The following GPRC5A variants were observed in gnomAD, a reference collection of about 807,000 sequenced individuals.
GPRC5A encodes G protein-coupled receptor class C group 5 member A.
A neutral mutation model predicts 22.5 loss-of-function variants in GPRC5A; 19 were observed. That is an observed-to-expected ratio of 0.85 (90% CI 0.59 to 1.24). GPRC5A has a LOEUF of 1.24. Ranked by LOEUF, GPRC5A falls within the 50% of genes most tolerant of loss-of-function variation. GPRC5A has a pLI of 0.00. For missense variants in GPRC5A, 471 were observed against 451.1 expected, an observed-to-expected ratio of 1.04 and a Z score of -0.40; for synonymous variants, 192 against 184.5, an observed-to-expected ratio of 1.04 and a Z score of -0.33.
chr12:12,900,041 G>A (rs541820842), intron 1 of GPRC5A, among the ~76,000 whole-genome samples: 8 of 152,278 alleles, frequency 5.3e-5, no homozygotes, highest in Non-Finnish European at 1.0e-4. Flanking sequence ...AACCCAAAGC[G>A]GGAGACTCAT....
Position 12,908,632 on chromosome 12 carries a change from C to T in GPRC5A, c.383C>T (p.Pro128Leu), listed in dbSNP as rs750805858. ...SLTKLVRGRK[P>L]LSLLVILGLA... is the part of the protein sequence containing the mutation. ...ACCAAGCTCGTCCGGGGGAGGAAGC[C>T]CCTTTCCCTGTTGGTGATTCTGGGT... The change falls in exon 2 of 4, where the codon CCC becomes CTC. Residue 128 changes from proline to leucine, a missense_variant. Pro to Leu is a moderately conservative substitution (Grantham distance 98). Transcript: ENST00000014914. 3.1e-6 allele frequency: 5 copies of T among 1,613,744 alleles called. No homozygotes were observed. The highest frequency in any genetic ancestry group is 3.3e-5 in the Admixed American group (2 of 59,968).
chr12:12,907,414 A>AAAAAAAAAAG (rs1174781334), intron 1 of GPRC5A, among the ~76,000 whole-genome samples: 24 of 150,766 alleles, frequency 1.6e-4, no homozygotes, highest in African/African-American at 5.9e-4. Context: ...AAAAAAAAAA[A>AAAAAAAAAAG]AGAGAGAGAA....
intron 1 of GPRC5A, among the ~76,000 whole-genome samples, chr12:12,903,901 G>A (rs1171999719): frequency 6.6e-6 from 1 of 152,180 alleles, no homozygotes; most frequent in Admixed American, 6.5e-5. Context: ...GAGTCATCAG[G>A]TTCAAAGTCC....
At chr12:12,901,488 C>T (rs995525163) in intron 1 of GPRC5A, among the ~76,000 whole-genome samples, 2 of 152,086 alleles carry the variant, frequency 1.3e-5, no homozygotes, top group African/African-American at 4.8e-5. Context: ...ACGAGCAGCC[C>T]GTCCTCCTCC....
intron 1 of GPRC5A, among the ~76,000 whole-genome samples, chr12:12,895,385 T>C (rs1347117794): frequency 2.6e-5 from 4 of 151,996 alleles, no homozygotes; most frequent in Admixed American, 6.6e-5. Flanking sequence ...TTTTTTTTTT[T>C]CAAAATAGTT....
chr12:12,907,799 T>C (rs916333111), intron 1 of GPRC5A, among the ~76,000 whole-genome samples: 1 of 152,188 alleles, frequency 6.6e-6, no homozygotes, highest in African/African-American at 2.4e-5. Flanking sequence ...GCCCAGCTAA[T>C]TTTTTAATAT....
In GPRC5A at chr12:12,914,574, T is replaced by TTCTTTCTTTC. The variant is rs1864040651; in HGVS notation, c.*2037_*2046dup. 1.2e-5 allele frequency: 1 copy of TTCTTTCTTTC among 82,180 alleles called. No individual in the cohort carries two copies. Among genetic ancestry groups the TTCTTTCTTTC allele is most frequent in the Non-Finnish European group, 2.2e-5 (1 of 45,740 alleles). 5.1% of individuals were successfully genotyped at this position (82,180 alleles called of 1,614,324 possible). A position where few individuals can be genotyped will look rare whatever the true frequency, so the allele number is the denominator to read the frequency against. ...CTTCTTTCTTTCTTTCTTTCTTTCT[T>TTCTTTCTTTC]TCTTTCTTTCTTTCTTTCTTTCTCT... On this transcript the variant is annotated 3_prime_UTR_variant, in exon 4 of 4. Coordinates refer to ENST00000014914, the MANE Select transcript of GPRC5A (RefSeq NM_003979.4).
rs931918248 is a variant in GPRC5A at position 12,916,945 on chromosome 12, C to T, written c.*4406C>T. 2 of 152,240 alleles carry T rather than the reference C, an allele frequency of 1.3e-5. No homozygotes were observed. Among genetic ancestry groups the T allele is most frequent in the South Asian group, 2.1e-4 (1 of 4,826 alleles). 9.4% of individuals were successfully genotyped at this position (152,240 alleles called of 1,614,324 possible). On this transcript the variant is annotated 3_prime_UTR_variant, in exon 4 of 4. Transcript: ENST00000014914. ...TCCCTTCCTTGCCCTCATCTTGCTG[C>T]CAGGGTCTGCAGGTTTGCCACCGTC...
chr12:12,906,522 G>A (rs1445985799), intron 1 of GPRC5A, among the ~76,000 whole-genome samples: 1 of 152,120 alleles, frequency 6.6e-6, no homozygotes, highest in Non-Finnish European at 1.5e-5. Context: ...GCAGTGGGTC[G>A]AGATCCAGCC....
chr12:12,917,081 CCA>C lies in GPRC5A; in HGVS notation c.*4543_*4544del, dbSNP rs1454501749. 2 of 152,154 alleles carry C rather than the reference CCA, an allele frequency of 1.3e-5. No individual in the cohort carries two copies. Among genetic ancestry groups the C allele is most frequent in the Non-Finnish European group, 2.9e-5 (2 of 68,054 alleles). The allele number at this position is 152,154 out of a possible 1,614,324, so 9.4% of individuals were successfully genotyped here. A position where few individuals can be genotyped will look rare whatever the true frequency, so the allele number is the denominator to read the frequency against. On this transcript the variant is annotated 3_prime_UTR_variant, in exon 4 of 4. Transcript: ENST00000014914. ...GATCCAGGAACTGGGAAATCAACCCCCAGTTTGTAGATTGCTCTCTTTGGAAA... is the reference window on the plus strand; with the variant it reads ...GATCCAGGAACTGGGAAATCAACCCCGTTTGTAGATTGCTCTCTTTGGAAA...
intron 1 of GPRC5A, among the ~76,000 whole-genome samples, chr12:12,901,004 G>A (rs1271724068): frequency 1.3e-5 from 2 of 150,962 alleles, no homozygotes; most frequent in African/African-American, 4.9e-5. Context: ...ATTCCAAAAA[G>A]GTTTAAGACA....
At chr12:12,909,627 C>T (rs1447580265) in intron 2 of GPRC5A, 2 of 157,598 alleles carry the variant, frequency 1.3e-5, no homozygotes, top group African/African-American at 2.4e-5. Context: ...TGCATAAAAC[C>T]AAGCCATGAT....
At position 12,916,927 on chromosome 12, in the gene GPRC5A, C is replaced by CT. The variant is rs1864069837; in HGVS notation, c.*4390dup. On this transcript the variant is annotated 3_prime_UTR_variant, in exon 4 of 4. Transcript: ENST00000014914. ...CTGTGCCCAGCTGACCTTTCCCTTCCTTGCCCTCATCTTGCTGCCAGGGTC... is the reference window on the plus strand; with the variant it reads ...CTGTGCCCAGCTGACCTTTCCCTTCCTTTGCCCTCATCTTGCTGCCAGGGTC... 1.3e-5 allele frequency: 2 copies of CT among 152,268 alleles called. No individual in the cohort carries two copies. The highest frequency in any genetic ancestry group is 4.8e-5 in the African/African-American group (2 of 41,414). The allele number at this position is 152,268 out of a possible 1,614,324, so 9.4% of individuals were successfully genotyped here.
In GPRC5A at chr12:12,900,370, C is replaced by T. The variant is rs138348593; in HGVS notation, c.-7-7873C>T. Reference sequence around the variant, plus strand: ...TGGAGCTGAACATGAGTTCAGACCACGTAGTTCAGCAGCGTGTCCTGCATT... The same window carrying T: ...TGGAGCTGAACATGAGTTCAGACCATGTAGTTCAGCAGCGTGTCCTGCATT... On this transcript the variant is annotated intron_variant, in intron 1 of 3. Transcript: ENST00000014914. 5.3e-5 allele frequency among the ~76,000 whole-genome samples: 8 copies of T among 152,288 alleles called. No individual in the cohort carries two copies. In the East Asian group the frequency reaches 1.2e-3, roughly 22 times the overall value.
chr12:12,899,907 T>C (rs1863863890), intron 1 of GPRC5A, among the ~76,000 whole-genome samples: 1 of 152,204 alleles, frequency 6.6e-6, no homozygotes, highest in African/African-American at 2.4e-5. Flanking sequence ...CCCAGATGAT[T>C]CATTCTCAGA....
intron 1 of GPRC5A, among the ~76,000 whole-genome samples, chr12:12,903,614 A>G (rs1863911636): frequency 1.3e-5 from 2 of 152,210 alleles, no homozygotes; most frequent in African/African-American, 4.8e-5. Context: ...GAACTTCAAG[A>G]ACTATTTCTC....
chr12:12,912,117 C>A lies in GPRC5A; in HGVS notation c.956C>A (p.Pro319His). ...GAGACAGGGGACACGCTCTATGCCC[C>A]CTATTCCACACATTTTCAGCTGCAG... Reference protein sequence around the residue: ...FEETGDTLYAPYSTHFQLQNQ... With the variant: ...FEETGDTLYAHYSTHFQLQNQ... Residue 319 changes from proline to histidine, a missense_variant, in exon 3 of 4, where the codon CCC (proline) becomes CAC (histidine). Physicochemically the swap from Pro to His is moderately conservative, Grantham distance 77. Transcript: ENST00000014914. 3 of 1,613,118 alleles carry A rather than the reference C, an allele frequency of 1.9e-6. No homozygotes were observed. Among genetic ancestry groups the A allele is most frequent in the Non-Finnish European group, 2.5e-6 (3 of 1,179,052 alleles).
intron 1 of GPRC5A, among the ~76,000 whole-genome samples, chr12:12,903,279 A>T (rs1170549266): frequency 2.6e-5 from 4 of 151,832 alleles, no homozygotes; most frequent in African/African-American, 9.7e-5. Context: ...GTTTTTTTTT[A>T]ATTTTTAATT....
At position 12,916,319 on chromosome 12, in the gene GPRC5A, C is replaced by A. The variant is rs1344014633; in HGVS notation, c.*3780C>A. 6.6e-6 allele frequency: 1 copy of A among 152,390 alleles called. No homozygotes were observed. Among genetic ancestry groups the A allele is most frequent in the East Asian group, 1.9e-4 (1 of 5,194 alleles). 9.4% of individuals were successfully genotyped at this position (152,390 alleles called of 1,614,324 possible). ...ACTCAACAGCCTTTCTCTCATCTTG[C>A]ATTGTGAGATGCGAAATAGAGCGTG... On this transcript the variant is annotated 3_prime_UTR_variant, in exon 4 of 4. Transcript: ENST00000014914.
Sources: allele counts gnomAD v4.1 joint callset (sites outside exome capture counted in the v4.1 genomes callset), GRCh38; gene constraint gnomAD v4.1.1; transcripts MANE v1.5; gene names NCBI Gene and HGNC (gene_info 2026-07-23, HGNC 2026-07-21).